The following GPR142 variants were observed in gnomAD, a reference collection of about 807,000 sequenced individuals.
GPR142 encodes the protein G protein-coupled receptor 142, also known as G-protein coupled receptor 142 long form.
A neutral mutation model predicts 10.6 loss-of-function variants in GPR142; 9 were observed. That is an observed-to-expected ratio of 0.85 (90% CI 0.51 to 1.48). The LOEUF (loss-of-function observed/expected upper bound fraction) is 1.48. GPR142 is among the 40% of genes most tolerant of loss of function. GPR142 has a pLI of 0.00. For missense variants in GPR142, 482 were observed against 506.0 expected, an observed-to-expected ratio of 0.95 and a Z score of 0.45; for synonymous variants, 202 against 221.2, an observed-to-expected ratio of 0.91 and a Z score of 0.77.
Position 74,372,250 on chromosome 17 carries a change from G to A in GPR142, c.775G>A (p.Gly259Arg). 6.2e-7 allele frequency: 1 copy of A among 1,613,664 alleles called. No individual in the cohort carries two copies. Among genetic ancestry groups the A allele is most frequent in the African/African-American group, 1.3e-5 (1 of 75,062 alleles). Residue 259 changes from glycine to arginine, a missense_variant, in exon 4 of 4, where the codon GGG (glycine) becomes AGG (arginine). Gly to Arg is a moderately radical substitution (Grantham distance 125). Coordinates refer to ENST00000582579, the MANE Select transcript of GPR142 (RefSeq NM_001331076.1). ...IHRLRRRGRS[G>R]LQPRVGKSTA... ...CCGGCTACGGAGGAGGGGCCGGAGTGGGCTGCAGCCCCGGGTGGGCAAGAG... is the reference window on the plus strand; with the variant it reads ...CCGGCTACGGAGGAGGGGCCGGAGTAGGCTGCAGCCCCGGGTGGGCAAGAG...
chr17:74,371,629 C>T lies in GPR142; in HGVS notation c.254-100C>T, dbSNP rs537669033. On this transcript the variant is annotated intron_variant, in intron 3 of 3. Transcript: ENST00000582579. Reference sequence around the variant, plus strand: ...GAAAAAAGAGAAGCCAGCGCAGCCTCTGCACATGCAGATGGGGAGGTGCGA... The same window carrying T: ...GAAAAAAGAGAAGCCAGCGCAGCCTTTGCACATGCAGATGGGGAGGTGCGA... The T allele has an allele frequency of 7.0e-5, 88 of 1,250,112 alleles. 1 individual carries two copies. In the South Asian group the frequency reaches 8.1e-4, roughly 12 times the overall value. 77.4% of individuals were successfully genotyped at this position (1,250,112 alleles called of 1,614,324 possible).
chr17:74,372,373 C>T lies in GPR142; in HGVS notation c.898C>T (p.Arg300Trp), dbSNP rs143741049. The change falls in exon 4 of 4, where the codon CGG (arginine) becomes TGG (tryptophan). Residue 300 changes from arginine to tryptophan, a missense_variant. Coordinates refer to ENST00000582579, the MANE Select transcript of GPR142 (RefSeq NM_001331076.1). ...CCACATGTACGTGGCCCCTGTCCAC[C>T]GGGACTGGAGGGTCCACCTGGCCTT... Reference protein sequence around the residue: ...LYHMYVAPVHRDWRVHLALDV... With the variant: ...LYHMYVAPVHWDWRVHLALDV... 8.1e-5 allele frequency: 131 copies of T among 1,614,114 alleles called. No individual in the cohort carries two copies. In the African/African-American group the frequency reaches 1.2e-3, roughly 15 times the overall value.
At chr17:74,369,006 C>T (rs2055003390) in intron 1 of GPR142, among the ~76,000 whole-genome samples, 1 of 152,146 alleles carries the variant, frequency 6.6e-6, no homozygotes. Context: ...ATAGCCCTGT[C>T]TGTGGCAGCC....
intron 2 of GPR142, among the ~76,000 whole-genome samples, chr17:74,370,054 C>T (rs1282232393): frequency 6.6e-6 from 1 of 152,104 alleles, no homozygotes; most frequent in Non-Finnish European, 1.5e-5. Flanking sequence ...TGTGGACCTC[C>T]TAGAGAGGTC....
intron 3 of GPR142, among the ~76,000 whole-genome samples, chr17:74,371,034 T>A (rs1274513936): frequency 6.6e-6 from 1 of 152,144 alleles, no homozygotes; most frequent in African/African-American, 2.4e-5. Context: ...GGACGGGTGG[T>A]CTCGGCCCTG....
chr17:74,371,978 G>C lies in GPR142; in HGVS notation c.503G>C (p.Arg168Pro). Residue 168 changes from arginine to proline, a missense_variant, in exon 4 of 4, where the codon CGC becomes CCC. By Grantham distance (103) the Arg-to-Pro change is moderately radical. Coordinates refer to ENST00000582579, the MANE Select transcript of GPR142 (RefSeq NM_001331076.1). ...VWIAILLTVD[R>P]YTALCHPLHH... ...ATCGCCATCCTGCTCACGGTTGACC[G>C]CTACACTGCCCTGTGCCACCCCCTG... is the stretch of plus-strand genomic sequence containing the variant. The C allele has an allele frequency of 6.2e-7, 1 of 1,612,644 alleles. No individual in the cohort carries two copies. Among genetic ancestry groups the C allele is most frequent in the Non-Finnish European group, 8.5e-7 (1 of 1,179,908 alleles).
At chr17:74,371,695 T>G (rs1299664665) in intron 3 of GPR142, 34 bp from the exon 4 acceptor site, 1 of 1,568,540 alleles carries the variant, frequency 6.4e-7, no homozygotes, top group Non-Finnish European at 8.6e-7. Context: ...TCTCTTCTGA[T>G]GCCTCTCCCC....
chr17:74,368,498 G>A (rs1049071574), intron 1 of GPR142, among the ~76,000 whole-genome samples: 26 of 152,306 alleles, frequency 1.7e-4, no homozygotes, highest in African/African-American at 6.3e-4. Context: ...GGGATGGGGA[G>A]TTCCAGGCTC....
Sources: gnomAD v4.1 joint callset for allele counts (sites outside exome capture counted in the v4.1 genomes callset) on GRCh38, gnomAD v4.1.1 for gene constraint, MANE v1.5 for transcripts, NCBI Gene and HGNC (gene_info 2026-07-23, HGNC 2026-07-21) for gene names.